The following GTF2E1 variants were observed in gnomAD, a reference collection of about 807,000 sequenced individuals.
GTF2E1 encodes the protein TFIIE alpha subunit.
GTF2E1 carries 14 observed loss-of-function variants against 34.9 expected under a neutral mutation model. The ratio of observed to expected loss-of-function variants is 0.40; its 90% CI spans 0.27 to 0.63. The LOEUF is 0.63. Among genes scored for constraint, GTF2E1 ranks in the 20% least tolerant of loss-of-function variants. The probability of loss-of-function intolerance (pLI) is 0.39; values close to 1 mark genes in which losing one functional copy is unlikely to be tolerated. For missense variants in GTF2E1, 469 were observed against 557.7 expected, an observed-to-expected ratio of 0.84 and a Z score of 1.60; for synonymous variants, 188 against 192.9, an observed-to-expected ratio of 0.97 and a Z score of 0.21.
Position 120,779,278 on chromosome 3 carries a change from T to TA in GTF2E1, c.893-1764dup, listed in dbSNP as rs376218296. ...AACATTAATCAAAATACTGTGTTGATATTATTAAACTATTTGGAACATTCT... is the reference window on the plus strand; with the variant it reads ...AACATTAATCAAAATACTGTGTTGATAATTATTAAACTATTTGGAACATTCT... On this transcript the variant is annotated intron_variant, in intron 4 of 4. Transcript: ENST00000283875. 6.0e-3 allele frequency among the ~76,000 whole-genome samples: 920 copies of TA among 152,364 alleles called. 13 individuals carry two copies. The highest frequency in any genetic ancestry group is 0.021 in the African/African-American group (869 of 41,586).
At chr3:120,746,093 T>A (rs1709102746) in intron 1 of GTF2E1, among the ~76,000 whole-genome samples, 1 of 152,176 alleles carries the variant, frequency 6.6e-6, no homozygotes, top group African/African-American at 2.4e-5. Flanking sequence ...ATAGATTGGT[T>A]ATAGATTGGT....
intron 1 of GTF2E1, among the ~76,000 whole-genome samples, chr3:120,748,191 T>G (rs995942053): frequency 2.0e-5 from 3 of 152,198 alleles, no homozygotes; most frequent in Non-Finnish European, 1.5e-5. Flanking sequence ...TTTCTCCCAT[T>G]CTGTAGGTTG....
intron 4 of GTF2E1, among the ~76,000 whole-genome samples, chr3:120,778,933 G>C (rs939059033): frequency 4.6e-5 from 7 of 152,106 alleles, no homozygotes; most frequent in African/African-American, 1.7e-4. Context: ...ACAACCTTCA[G>C]CTCTTCCTAT....
intron 4 of GTF2E1, among the ~76,000 whole-genome samples, chr3:120,778,777 G>T (rs1055253813): frequency 2.0e-5 from 3 of 152,130 alleles, no homozygotes; most frequent in Non-Finnish European, 4.4e-5. Flanking sequence ...CTAGAAACAC[G>T]TAGAGGTACT....
At chr3:120,764,972 A>G (rs1419386902) in intron 2 of GTF2E1, among the ~76,000 whole-genome samples, 2 of 150,570 alleles carry the variant, frequency 1.3e-5, no homozygotes, top group Admixed American at 1.3e-4. Flanking sequence ...TCAAGTTTCA[A>G]ATTTCGCTGA....
At chr3:120,772,594 G>A (rs1286349794) in intron 3 of GTF2E1, among the ~76,000 whole-genome samples, 2 of 152,030 alleles carry the variant, frequency 1.3e-5, no homozygotes, top group Non-Finnish European at 2.9e-5. Flanking sequence ...AGCTTATGAG[G>A]GAAATTGATT....
In GTF2E1 at chr3:120,782,402, G is replaced by A. The variant is rs1709456376; in HGVS notation, c.*932G>A. 6.6e-6 allele frequency: 1 copy of A among 152,194 alleles called. No homozygotes were observed. 9.4% of individuals were successfully genotyped at this position (152,194 alleles called of 1,614,324 possible). ...GGTAGATTTTATTGTATTGCTTAAT[G>A]TCTTTTGGTTTGGATTTAGGATGAT... On this transcript the variant is annotated 3_prime_UTR_variant, in exon 5 of 5. Transcript: ENST00000283875.
intron 2 of GTF2E1, among the ~76,000 whole-genome samples, chr3:120,753,085 T>C (rs574941995): frequency 6.6e-6 from 1 of 152,312 alleles, no homozygotes; most frequent in African/African-American, 2.4e-5. Flanking sequence ...TATTAGGCTC[T>C]AGTTTGCCAG....
At chr3:120,757,402 C>T (rs1460302199) in intron 2 of GTF2E1, among the ~76,000 whole-genome samples, 1 of 152,140 alleles carries the variant, frequency 6.6e-6, no homozygotes, top group Admixed American at 6.5e-5. Flanking sequence ...ATTTCAAAAA[C>T]ATTAAATCTG....
chr3:120,781,746 A>T lies in GTF2E1; in HGVS notation c.*276A>T, dbSNP rs1709450546. On this transcript the variant is annotated 3_prime_UTR_variant, in exon 5 of 5. Transcript: ENST00000283875. ...TTTTTTTTTTTGGAGATGAAGTCTC[A>T]CTCTTGTACCCCAGGCTGGAGTGCA... 5 of 269,288 alleles carry T rather than the reference A, an allele frequency of 1.9e-5. No homozygotes were observed. Among genetic ancestry groups the T allele is most frequent in the South Asian group, 1.5e-4 (3 of 20,490 alleles). 16.7% of individuals were successfully genotyped at this position (269,288 alleles called of 1,614,324 possible).
chr3:120,758,568 C>T (rs1182304142), intron 2 of GTF2E1, among the ~76,000 whole-genome samples: 1 of 123,020 alleles, frequency 8.1e-6, no homozygotes, highest in African/African-American at 2.6e-5. Flanking sequence ...CTAATCCCTC[C>T]CCCAGCCTCC....
In GTF2E1 at chr3:120,781,382, G is replaced by A. The variant is rs777114113; in HGVS notation, c.1232G>A (p.Arg411Gln). ...TTCTCCTACAGTGAAGTGAGCCAAC[G>A]GCCAGAGCTAGTGGCCCAGATGACA... ...RPFSYSEVSQRPELVAQMTPE... is the reference protein window; with the variant it reads ...RPFSYSEVSQQPELVAQMTPE... Residue 411 changes from arginine (R) to glutamine (Q), a missense_variant, in exon 5 of 5, where the codon CGG becomes CAG. Coordinates refer to ENST00000283875, the MANE Select transcript of GTF2E1 (RefSeq NM_005513.3). The A allele has an allele frequency of 1.3e-5, 21 of 1,614,096 alleles. No individual in the cohort carries two copies. Among genetic ancestry groups the A allele is most frequent in the South Asian group, 9.9e-5 (9 of 91,078 alleles).
chr3:120,768,103 A>G (rs9814744), intron 2 of GTF2E1, among the ~76,000 whole-genome samples: 30,562 of 152,206 alleles, frequency 0.2, 3,564 homozygotes, highest in East Asian at 0.36. Context: ...CGGGTATAAC[A>G]TGACTTTTTA....
rs776035081 is a variant in GTF2E1, at chr3:120,770,822, T to C, written c.543T>C (p.Asn181=). 4 of 1,613,736 alleles carry C rather than the reference T, an allele frequency of 2.5e-6. No individual in the cohort carries two copies. The East Asian group carries it at 6.7e-5, about 27-fold the overall frequency. The change falls in exon 3 of 5, where the codon AAT becomes AAC. Residue 181 remains asparagine (N), a synonymous_variant. Coordinates refer to ENST00000283875, the MANE Select transcript of GTF2E1 (RefSeq NM_005513.3). ...KDARTLLARF[N]EQIEPIYALL... ...CACGCACACTTTTGGCAAGGTTTAA[T>C]GAACAAATTGAGCCCATTTATGCAT...
chr3:120,756,404 T>C (rs1223723731), intron 2 of GTF2E1, among the ~76,000 whole-genome samples: 1 of 148,930 alleles, frequency 6.7e-6, no homozygotes, highest in Non-Finnish European at 1.5e-5. Flanking sequence ...TGGAATCTTA[T>C]CCAGCATGGG....
Position 120,765,734 on chromosome 3 carries a change from A to G in GTF2E1, c.449-4994A>G, listed in dbSNP as rs148058356. ...TTGCATAGATTTGCTTCTGATGAAT[A>G]TATAGGAATATTTGTAAAGTAGCTT... On this transcript the variant is annotated intron_variant, in intron 2 of 4. Coordinates refer to ENST00000283875, the MANE Select transcript of GTF2E1 (RefSeq NM_005513.3). Among the ~76,000 whole-genome samples, 601 of 152,346 alleles carry G rather than the reference A, an allele frequency of 3.9e-3. 5 individuals are homozygous for G. Among genetic ancestry groups the G allele is most frequent in the Non-Finnish European group, 6.3e-3 (429 of 68,018 alleles).
chr3:120,748,008 G>T (rs2107604465), intron 1 of GTF2E1, among the ~76,000 whole-genome samples: 1 of 151,794 alleles, frequency 6.6e-6, no homozygotes, highest in East Asian at 1.9e-4. Flanking sequence ...CAGTGATGGT[G>T]AGCATTTTTT....
intron 3 of GTF2E1, among the ~76,000 whole-genome samples, chr3:120,775,027 T>C (rs1426842501): frequency 6.6e-6 from 1 of 152,102 alleles, no homozygotes; most frequent in Non-Finnish European, 1.5e-5. Context: ...CTCCAGAGGA[T>C]GGTCAGAAAC....
intron 1 of GTF2E1, among the ~76,000 whole-genome samples, chr3:120,743,900 A>C (rs776850913): frequency 2.6e-5 from 4 of 152,166 alleles, no homozygotes; most frequent in Non-Finnish European, 5.9e-5. Flanking sequence ...AGTAGTCCTT[A>C]AATGTTGATA....
Sources: allele counts gnomAD v4.1 joint callset (sites outside exome capture counted in the v4.1 genomes callset), GRCh38; gene constraint gnomAD v4.1.1; transcripts MANE v1.5; gene names NCBI Gene and HGNC (gene_info 2026-07-23, HGNC 2026-07-21).